SCEL: variants seen among roughly 807,000 people sequenced by gnomAD.
The protein encoded by SCEL is sciellin.
SCEL carries 113 observed loss-of-function variants against 117.6 expected under a neutral mutation model. The ratio of observed to expected loss-of-function variants is 0.96; its 90% CI spans 0.83 to 1.12. The LOEUF is 1.12. Ranked by LOEUF, SCEL falls within the 50% of genes most tolerant of loss-of-function variation. The pLI is 0.00. For synonymous variants in SCEL, 270 were observed against 256.2 expected (o/e 1.05, Z -0.51); for missense variants, 785 against 810.8 (o/e 0.97, Z 0.39).
At chr13:77,634,542 TTCTTTCAA>T in intron 29 of SCEL, 92 bp downstream of exon 29, 2 of 839,986 alleles carry the variant, frequency 2.4e-6, no homozygotes, top group Non-Finnish European at 3.8e-6. Flanking sequence ...TAGAGTGTGC[TTCTTTCAA>T]ATAGAAGACC....
intron 1 of SCEL, among the ~76,000 whole-genome samples, chr13:77,543,635 A>G (rs1214790033): frequency 6.6e-6 from 1 of 152,172 alleles, no homozygotes; most frequent in African/African-American, 2.4e-5. Flanking sequence ...CATTGTTGCC[A>G]TCTTTATGTC....
At chr13:77,568,045 C>T (rs1567359584) in intron 6 of SCEL, among the ~76,000 whole-genome samples, 1 of 152,046 alleles carries the variant, frequency 6.6e-6, no homozygotes, top group Non-Finnish European at 1.5e-5. Flanking sequence ...AGGAAAATTA[C>T]TGAACCCAAC....
intron 27 of SCEL, among the ~76,000 whole-genome samples, chr13:77,620,825 G>A (rs948020770): frequency 2.6e-5 from 4 of 151,922 alleles, no homozygotes; most frequent in African/African-American, 9.7e-5. Flanking sequence ...TTAACTGTTT[G>A]TGGCATTATA....
intron 5 of SCEL, among the ~76,000 whole-genome samples, chr13:77,566,760 C>T (rs1210996563): frequency 6.6e-6 from 1 of 152,092 alleles, no homozygotes; most frequent in Non-Finnish European, 1.5e-5. Context: ...TTAATGCCGC[C>T]ATATTTATGC....
In SCEL at chr13:77,636,068, C is replaced by A. The variant is rs116564672; in HGVS notation, c.1764-1052C>A. On this transcript the variant is annotated intron_variant, in intron 29 of 32. Transcript: ENST00000349847. ...GGAAGCCTCTGAAAGGATTCGTTGC[C>A]TCCTGTACCTTAACCTAGCAAGGAT... Among the ~76,000 whole-genome samples, 508 of 152,324 alleles carry A rather than the reference C, an allele frequency of 3.3e-3. 3 individuals are homozygous for A. Among genetic ancestry groups the A allele is most frequent in the African/African-American group, 0.011 (478 of 41,570 alleles).
rs1567344111 is a variant in SCEL at position 77,555,895 on chromosome 13, G to A, written c.20G>A (p.Arg7Lys). The A allele has an allele frequency of 1.2e-6, 2 of 1,613,382 alleles. No individual in the cohort carries two copies. The highest frequency in any genetic ancestry group is 2.2e-5 in the South Asian group (2 of 91,038). ...GGCAGCATGTCCAATGTTACCTTGA[G>A]AAAAATGTCTCCCACAGGAAATGGT... is the stretch of plus-strand genomic sequence containing the variant. MSNVTLRKMSPTGNEMK... is the reference protein window; with the variant it reads MSNVTLKKMSPTGNEMK... The change falls in exon 2 of 33, where the codon AGA becomes AAA. Residue 7 changes from arginine to lysine, a missense_variant. By Grantham distance (26) the Arg-to-Lys change is conservative. Coordinates refer to ENST00000349847, the MANE Select transcript of SCEL (RefSeq NM_144777.3).
chr13:77,600,259 G>A (rs945708090), intron 15 of SCEL, among the ~76,000 whole-genome samples: 1 of 152,058 alleles, frequency 6.6e-6, no homozygotes, highest in Non-Finnish European at 1.5e-5. Flanking sequence ...CTTCCGAGTA[G>A]CTGGGATTTC....
At chr13:77,552,700 T>G (rs1315999998) in intron 1 of SCEL, among the ~76,000 whole-genome samples, 2 of 152,216 alleles carry the variant, frequency 1.3e-5, no homozygotes, top group African/African-American at 2.4e-5. Flanking sequence ...TTAGTTTAAT[T>G]AGATCCCATT....
intron 9 of SCEL, among the ~76,000 whole-genome samples, chr13:77,578,531 G>C (rs1018705432): frequency 4.6e-5 from 7 of 152,126 alleles, no homozygotes; most frequent in Non-Finnish European, 8.8e-5. Flanking sequence ...AACTGTGGGG[G>C]CATGAGAAGA....
chr13:77,558,021 T>C (rs1243204459), intron 3 of SCEL, among the ~76,000 whole-genome samples: 1 of 152,246 alleles, frequency 6.6e-6, no homozygotes, highest in Non-Finnish European at 1.5e-5. Context: ...TTAGCACTAT[T>C]GGACAACAAT....
chr13:77,554,061 A>G (rs530522195), intron 1 of SCEL, among the ~76,000 whole-genome samples: 8 of 152,148 alleles, frequency 5.3e-5, no homozygotes, highest in Admixed American at 1.3e-4. Context: ...GCCGTTTCTG[A>G]GAGGCATTTG....
chr13:77,574,528 G>A (rs919900882), intron 9 of SCEL, among the ~76,000 whole-genome samples: 1 of 152,174 alleles, frequency 6.6e-6, no homozygotes, highest in African/African-American at 2.4e-5. Flanking sequence ...GGGAAGGAGA[G>A]AATAATAACA....
At chr13:77,628,767 A>G (rs1266581520) in intron 28 of SCEL, among the ~76,000 whole-genome samples, 1 of 152,190 alleles carries the variant, frequency 6.6e-6, no homozygotes, top group African/African-American at 2.4e-5. Context: ...AGCTAGGAAA[A>G]GAGCTGGCTC....
intron 1 of SCEL, among the ~76,000 whole-genome samples, chr13:77,552,959 A>G (rs2154395362): frequency 6.6e-6 from 1 of 152,344 alleles, no homozygotes; most frequent in South Asian, 2.1e-4. Context: ...CATTTATTAA[A>G]TAGGGAATCC....
Position 77,642,692 on chromosome 13 carries a change from A to AT in SCEL, c.1948-7dup, listed in dbSNP as rs1316607451. On this transcript the variant is annotated splice_polypyrimidine_tract_variant and intron_variant, in intron 31 of 32. Coordinates refer to ENST00000349847, the MANE Select transcript of SCEL (RefSeq NM_144777.3). ...TTTACAATGGAAACTTTATATATGT[A>AT]TTTTTTTCTTTAGTGTGAAATATGC... 6 of 1,457,890 alleles carry AT rather than the reference A, an allele frequency of 4.1e-6. No individual in the cohort carries two copies. Among genetic ancestry groups the AT allele is most frequent in the African/African-American group, 2.8e-5 (2 of 71,690 alleles). 90.3% of individuals were successfully genotyped at this position (1,457,890 alleles called of 1,614,324 possible). A position where few individuals can be genotyped will look rare whatever the true frequency, so the allele number is the denominator to read the frequency against.
chr13:77,637,762 A>T (rs546269994), intron 30 of SCEL, among the ~76,000 whole-genome samples: 2 of 152,156 alleles, frequency 1.3e-5, no homozygotes, highest in Non-Finnish European at 2.9e-5. Flanking sequence ...CTTGGCTTAC[A>T]AACAGCCATG....
intron 1 of SCEL, among the ~76,000 whole-genome samples, chr13:77,542,449 A>G (rs1448183879): frequency 2.0e-5 from 3 of 152,192 alleles, no homozygotes; most frequent in Admixed American, 6.5e-5. Context: ...AGAAAATTGT[A>G]TGGTAGGGGC....
chr13:77,545,983 G>A (rs1322316355), intron 1 of SCEL, among the ~76,000 whole-genome samples: 1 of 152,172 alleles, frequency 6.6e-6, no homozygotes, highest in Non-Finnish European at 1.5e-5. Context: ...ATACATTATA[G>A]TTTCCTTTCT....
chr13:77,585,507 G>T (rs1006097762), intron 9 of SCEL, among the ~76,000 whole-genome samples: 3 of 152,070 alleles, frequency 2.0e-5, no homozygotes, highest in African/African-American at 7.2e-5. Context: ...TATTTCCTGT[G>T]TGGAAGCCAA....
Sources: gnomAD v4.1 joint callset for allele counts (sites outside exome capture counted in the v4.1 genomes callset) on GRCh38, gnomAD v4.1.1 for gene constraint, MANE v1.5 for transcripts, NCBI Gene and HGNC (gene_info 2026-07-23, HGNC 2026-07-21) for gene names.